Variants in PIGU observed in about 807,000 individuals in gnomAD.
PIGU encodes phosphatidylinositol glycan anchor biosynthesis class U.
A neutral mutation model predicts 49.9 loss-of-function variants in PIGU; 24 were observed. The observed-to-expected ratio is 0.48, with a 90% confidence interval of 0.35 to 0.68. The LOEUF (loss-of-function observed/expected upper bound fraction) is 0.68. PIGU is among the 30% of genes least tolerant of loss of function. PIGU has a pLI of 0.01. For missense variants in PIGU, 490 were observed against 532.6 expected (o/e 0.92, Z 0.79); for synonymous variants, 220 against 205.7 (o/e 1.07, Z -0.59).
At chr20:34,638,835 T>C (rs537790114) in intron 4 of PIGU, among the ~76,000 whole-genome samples, 5 of 152,066 alleles carry the variant, frequency 3.3e-5, no homozygotes, top group African/African-American at 4.8e-5. Context: ...GAAAGAAAGG[T>C]AGGCAATCTT....
intron 1 of PIGU, among the ~76,000 whole-genome samples, chr20:34,659,860 T>A (rs552038735): frequency 6.6e-6 from 1 of 151,656 alleles, no homozygotes; most frequent in East Asian, 1.9e-4. Flanking sequence ...GCAGCATGCT[T>A]GTTAAGAGTC....
rs35130218 is a variant in PIGU at position 34,672,856 on chromosome 20, C to CA, written c.130+4099dup. On this transcript the variant is annotated intron_variant, in intron 1 of 11. Coordinates refer to ENST00000217446, the MANE Select transcript of PIGU (RefSeq NM_080476.5). ...GGAGACAGAGTGGGACCCTGTCTCT[C>CA]AAAAAAAAAAAAAAAAAAAAAAAAT... Among the ~76,000 whole-genome samples the CA allele has an allele frequency of 3.3e-3, 369 of 113,036 alleles. 2 individuals carry two copies. The highest frequency in any genetic ancestry group is 5.2e-3 in the Non-Finnish European group (302 of 57,804). 74.2% of individuals were successfully genotyped at this position (113,036 alleles called of 152,430 possible). A position where few individuals can be genotyped will look rare whatever the true frequency, so the allele number is the denominator to read the frequency against.
rs898372750 is a variant in PIGU, at chr20:34,566,875, C to T, written c.1195-5896G>A. Among the ~76,000 whole-genome samples the T allele has an allele frequency of 6.6e-5, 10 of 152,304 alleles. No homozygotes were observed. The South Asian group carries it at 1.4e-3, about 22-fold the overall frequency. On this transcript the variant is annotated intron_variant, in intron 11 of 11. Coordinates refer to ENST00000217446, the MANE Select transcript of PIGU (RefSeq NM_080476.5). ...TTTACACCCTGCGGAGTCTGCTCTCCCCAGTTCACAGCTCTGTCACTCAGT... is the reference window on the plus strand; with the variant it reads ...TTTACACCCTGCGGAGTCTGCTCTCTCCAGTTCACAGCTCTGTCACTCAGT...
In PIGU at chr20:34,575,149, G is replaced by T. The variant is rs756912205; in HGVS notation, c.1149C>A (p.Asn383Lys). The T allele has an allele frequency of 1.3e-5, 21 of 1,614,058 alleles. No homozygotes were observed. The highest frequency in any genetic ancestry group is 5.1e-6 in the Non-Finnish European group (6 of 1,180,026). ...GTGTGATGGCATAAAAGAAATTAGA[G>T]TTGGCACTTCCTGCATAAATCCAGA... ...WHLWIYAGSANSNFFYAITLT... is the reference protein window; with the variant it reads ...WHLWIYAGSAKSNFFYAITLT... Residue 383 changes from asparagine to lysine, a missense_variant, in exon 11 of 12, where the codon AAC becomes AAA. Coordinates refer to ENST00000217446, the MANE Select transcript of PIGU (RefSeq NM_080476.5).
intron 2 of PIGU, among the ~76,000 whole-genome samples, chr20:34,645,997 A>G (rs1986333395): frequency 6.6e-6 from 1 of 152,210 alleles, no homozygotes; most frequent in South Asian, 2.1e-4. Context: ...GGGGAATTCC[A>G]CAACAGACCA....
At chr20:34,591,992 C>T (rs925604294) in intron 7 of PIGU, among the ~76,000 whole-genome samples, 1 of 152,046 alleles carries the variant, frequency 6.6e-6, no homozygotes, top group African/African-American at 2.4e-5. Context: ...TCAAAACCAT[C>T]CTGGCTAACG....
At chr20:34,647,223 G>A (rs932959324) in intron 2 of PIGU, among the ~76,000 whole-genome samples, 4 of 151,908 alleles carry the variant, frequency 2.6e-5, no homozygotes, top group East Asian at 1.9e-4. Context: ...CACCCACCTC[G>A]GCCTCCCAAA....
intron 5 of PIGU, among the ~76,000 whole-genome samples, chr20:34,636,880 C>T (rs1334539260): frequency 6.6e-6 from 1 of 152,040 alleles, no homozygotes; most frequent in Admixed American, 6.6e-5. Context: ...TACAGACAGG[C>T]TTGTTACATA....
chr20:34,663,721 C>T (rs140951237), intron 1 of PIGU, among the ~76,000 whole-genome samples: 1,684 of 152,246 alleles, frequency 0.011, 40 homozygotes, highest in African/African-American at 0.039. Flanking sequence ...GAGGTTGCTG[C>T]GTAATAGCTA....
chr20:34,670,410 G>A (rs113293797), intron 1 of PIGU, among the ~76,000 whole-genome samples: 68 of 151,950 alleles, frequency 4.5e-4, no homozygotes, highest in Non-Finnish European at 7.5e-4. Flanking sequence ...GGCCGGTCTC[G>A]AACTCAAGCT....
At chr20:34,569,043 C>A (rs1982894897) in intron 11 of PIGU, among the ~76,000 whole-genome samples, 1 of 151,566 alleles carries the variant, frequency 6.6e-6, no homozygotes. Context: ...CTGTCTCTAC[C>A]AAAAATTTAA....
At chr20:34,629,948 A>C (rs1327480634) in intron 6 of PIGU, among the ~76,000 whole-genome samples, 1 of 152,232 alleles carries the variant, frequency 6.6e-6, no homozygotes, top group Non-Finnish European at 1.5e-5. Context: ...GTGAGAGAAG[A>C]ATAAATCACT....
intron 6 of PIGU, among the ~76,000 whole-genome samples, chr20:34,624,355 C>G (rs144017448): frequency 6.6e-6 from 1 of 152,300 alleles, no homozygotes; most frequent in East Asian, 1.9e-4. Flanking sequence ...AAGTGACTTG[C>G]CCAAGGTGAT....
chr20:34,566,019 C>T (rs866364694), intron 11 of PIGU, among the ~76,000 whole-genome samples: 2 of 151,440 alleles, frequency 1.3e-5, no homozygotes, highest in East Asian at 3.9e-4. Flanking sequence ...CACATGCTCA[C>T]ACACACAGAT....
intron 11 of PIGU, among the ~76,000 whole-genome samples, chr20:34,573,992 G>C (rs1983119694): frequency 6.6e-6 from 1 of 152,218 alleles, no homozygotes; most frequent in Non-Finnish European, 1.5e-5. Flanking sequence ...AACCTTGGAG[G>C]CAAGAATTAC....
intron 10 of PIGU, among the ~76,000 whole-genome samples, chr20:34,578,764 T>C (rs1983338383): frequency 6.6e-6 from 1 of 152,216 alleles, no homozygotes; most frequent in South Asian, 2.1e-4. Context: ...TAAAGCTATA[T>C]ATGCCAGAGC....
chr20:34,605,039 T>C (rs1169596719), intron 7 of PIGU, among the ~76,000 whole-genome samples: 2 of 152,168 alleles, frequency 1.3e-5, no homozygotes, highest in Non-Finnish European at 2.9e-5. Flanking sequence ...CCTCGAAGCC[T>C]TACAGCTTCA....
intron 1 of PIGU, among the ~76,000 whole-genome samples, chr20:34,676,423 G>A (rs1022283422): frequency 2.0e-5 from 3 of 152,188 alleles, no homozygotes; most frequent in African/African-American, 7.2e-5. Context: ...AATGTTCGGT[G>A]AAGAACTTAG....
chr20:34,645,434 C>T, intron 2 of PIGU, 100 bp from the exon 3 acceptor site: 1 of 1,351,352 alleles, frequency 7.4e-7, no homozygotes, highest in Non-Finnish European at 9.6e-7. Context: ...TGTCAGCAAA[C>T]TATTATGCTA....
Sources: gnomAD v4.1 joint callset for allele counts (sites outside exome capture counted in the v4.1 genomes callset) on GRCh38, gnomAD v4.1.1 for gene constraint, MANE v1.5 for transcripts, NCBI Gene and HGNC (gene_info 2026-07-23, HGNC 2026-07-21) for gene names.